The following RNF4 variants were observed in gnomAD, a reference collection of about 807,000 sequenced individuals.
RNF4 encodes the protein ring finger protein 4.
Under a neutral mutation model 24.3 loss-of-function variants are expected in RNF4, and 7 were observed. The observed-to-expected ratio is 0.29, with a 90% CI of 0.16 to 0.54. The LOEUF (loss-of-function observed/expected upper bound fraction) is 0.54. Among genes scored for constraint, RNF4 ranks in the 20% least tolerant of loss-of-function variants. The pLI, the probability that RNF4 is intolerant of heterozygous loss-of-function variation, is 0.95. For missense variants in RNF4, 209 were observed against 248.5 expected, an observed-to-expected ratio of 0.84 and a Z score of 1.07; for synonymous variants, 83 against 84.3, an observed-to-expected ratio of 0.98 and a Z score of 0.09.
At chr4:2,511,093 G>A (rs1736259753) in intron 4 of RNF4, among the ~76,000 whole-genome samples, 1 of 152,246 alleles carries the variant, frequency 6.6e-6, no homozygotes, top group Non-Finnish European at 1.5e-5. Flanking sequence ...GCTTGAGAGA[G>A]CATCATGCCC....
At chr4:2,472,713 ACCT>A (rs1451077400) in intron 1 of RNF4, among the ~76,000 whole-genome samples, 11 of 150,980 alleles carry the variant, frequency 7.3e-5, no homozygotes. Flanking sequence ...TAAATTAAAA[ACCT>A]CCTGAAAGGA....
chr4:2,508,094 G>A (rs893464085), intron 4 of RNF4, among the ~76,000 whole-genome samples: 3 of 152,144 alleles, frequency 2.0e-5, no homozygotes, highest in Non-Finnish European at 4.4e-5. Context: ...GATTCATCCC[G>A]CCTTGGCCTC....
At chr4:2,500,806 C>T (rs1360227660) in intron 4 of RNF4, 68 bp downstream of exon 4, 1 of 1,453,138 alleles carries the variant, frequency 6.9e-7, no homozygotes, top group East Asian at 2.3e-5. Context: ...CAGCATCTGA[C>T]AGCCTTGGTC....
rs1340093178 is a variant in RNF4, at chr4:2,514,962, A to G, written c.*1143A>G. 6.6e-6 allele frequency: 1 copy of G among 152,378 alleles called. No homozygotes were observed. Among genetic ancestry groups the G allele is most frequent in the African/African-American group, 2.4e-5 (1 of 41,468 alleles). The allele number at this position is 152,378 out of a possible 1,614,324, so 9.4% of individuals were successfully genotyped here. A position where few individuals can be genotyped will look rare whatever the true frequency, so the allele number is the denominator to read the frequency against. ...TTTGACTGGTGAAACAGGGGCCCAG[A>G]TGACAACCTCTCCTTCGCTCCACAG... On this transcript the variant is annotated 3_prime_UTR_variant, in exon 8 of 8. Coordinates refer to ENST00000314289, the MANE Select transcript of RNF4 (RefSeq NM_002938.5).
chr4:2,495,171 G>C (rs567690259), intron 2 of RNF4, among the ~76,000 whole-genome samples: 1 of 152,330 alleles, frequency 6.6e-6, no homozygotes, highest in South Asian at 2.1e-4. Context: ...CCTGGGGCTG[G>C]TTCTGTGCTC....
intron 7 of RNF4, 147 bp downstream of exon 7, chr4:2,513,278 TGA>T (rs924761328): frequency 8.8e-6 from 7 of 798,020 alleles, no homozygotes. Context: ...GATCTGCCTG[TGA>T]GGGGAGAATG....
chr4:2,512,621 C>G lies in RNF4; in HGVS notation c.374+24C>G. ...AGGTACCAACGTGCCCCCAGCTCTG[C>G]TGCCGCCATGCTAGGATGTGGGGCC... On this transcript the variant is annotated intron_variant, in intron 6 of 7. Transcript: ENST00000314289. The surrounding 1 kb of genome is among the most constrained non-coding windows in gnomAD (Gnocchi z 4.1). 1 of 1,611,798 alleles carries G rather than the reference C, an allele frequency of 6.2e-7. No homozygotes were observed. Among genetic ancestry groups the G allele is most frequent in the African/African-American group, 1.3e-5 (1 of 75,014 alleles).
chr4:2,505,723 C>CTTTTTTTTTTTT (rs67508332), intron 4 of RNF4: 2 of 50,676 alleles, frequency 3.9e-5, no homozygotes, highest in Admixed American at 3.4e-4. Context: ...CATGGTCTGC[C>CTTTTTTTTTTTT]TTTTTTTTTT....
chr4:2,474,372 ACT>A lies in RNF4; in HGVS notation c.-158+5117_-158+5118del, dbSNP rs1177512682. On this transcript the variant is annotated intron_variant, in intron 1 of 7. Coordinates refer to ENST00000314289, the MANE Select transcript of RNF4 (RefSeq NM_002938.5). Reference sequence around the variant, plus strand: ...CATCCAGCCTGGTTGACAGAACGAGACTCTGTCTCAAAAAAAAAAAAAAAAAA... The same window carrying A: ...CATCCAGCCTGGTTGACAGAACGAGACTGTCTCAAAAAAAAAAAAAAAAAA... Among the ~76,000 whole-genome samples, 300 of 132,180 alleles carry A rather than the reference ACT, an allele frequency of 2.3e-3. 2 individuals are homozygous for A. Among genetic ancestry groups the A allele is most frequent in the Non-Finnish European group, 3.6e-3 (229 of 63,728 alleles). The allele number at this position is 132,180 out of a possible 152,430, so 86.7% of individuals were successfully genotyped here.
intron 1 of RNF4, among the ~76,000 whole-genome samples, chr4:2,475,875 G>A (rs187641230): frequency 1.3e-5 from 2 of 152,270 alleles, no homozygotes; most frequent in South Asian, 2.1e-4. Flanking sequence ...AGCAGAGCTC[G>A]AAACTTCACC....
At chr4:2,472,273 A>C (rs757938690) in intron 1 of RNF4, among the ~76,000 whole-genome samples, 2 of 152,176 alleles carry the variant, frequency 1.3e-5, no homozygotes, top group Non-Finnish European at 1.5e-5. Flanking sequence ...GTTTTACTGA[A>C]TATTTTAAGC....
At chr4:2,513,534 A>T (rs1159929205) in intron 7 of RNF4, 136 bp from the exon 8 acceptor site, 56 of 1,001,768 alleles carry the variant, frequency 5.6e-5, no homozygotes, top group Middle Eastern at 6.5e-4. Flanking sequence ...AGCTCTCCAG[A>T]CCCCTCCCTG....
chr4:2,506,726 C>T (rs1736113000), intron 4 of RNF4, among the ~76,000 whole-genome samples: 1 of 151,976 alleles, frequency 6.6e-6, no homozygotes, highest in South Asian at 2.1e-4. Flanking sequence ...TGTCACCATC[C>T]CTGGCTGATT....
chr4:2,483,079 T>C (rs986560396), intron 1 of RNF4, among the ~76,000 whole-genome samples: 9 of 152,360 alleles, frequency 5.9e-5, no homozygotes, highest in African/African-American at 1.7e-4. Flanking sequence ...CCTTCTGATA[T>C]AATACCTATT....
chr4:2,492,237 G>A (rs75941518), intron 2 of RNF4, among the ~76,000 whole-genome samples: 210 of 152,060 alleles, frequency 1.4e-3, no homozygotes, highest in African/African-American at 4.9e-3. Context: ...TAGGCATGGA[G>A]TCTTACTTTA....
intron 4 of RNF4, chr4:2,505,058 C>CT (rs1483110980): frequency 1.3e-5 from 2 of 151,864 alleles, no homozygotes; most frequent in African/African-American, 4.8e-5. Flanking sequence ...TTTTATGCAA[C>CT]TTTCGTATAT....
chr4:2,497,239 C>T lies in RNF4; in HGVS notation c.124+118C>T, dbSNP rs1728269. On this transcript the variant is annotated intron_variant, in intron 3 of 7. Transcript: ENST00000314289. ...TTTAGAAGGCCTATGCAGTCTCACA[C>T]TCACCATGTACAACTCAAAGCTTCA... 2.9e-3 allele frequency: 1,874 copies of T among 655,714 alleles called. 24 individuals are homozygous for T. The African/African-American group carries it at 0.03, about 11-fold the overall frequency. 40.6% of individuals were successfully genotyped at this position (655,714 alleles called of 1,614,324 possible). A position where few individuals can be genotyped will look rare whatever the true frequency, so the allele number is the denominator to read the frequency against.
intron 4 of RNF4, chr4:2,505,990 T>C (rs1296699332): frequency 6.6e-6 from 1 of 152,018 alleles, no homozygotes; most frequent in Non-Finnish European, 1.5e-5. Flanking sequence ...CATTTTGTCA[T>C]GGGTAAGACC....
chr4:2,471,460 C>A (rs187682757), intron 1 of RNF4, among the ~76,000 whole-genome samples: 1 of 152,158 alleles, frequency 6.6e-6, no homozygotes, highest in Admixed American at 6.6e-5. Flanking sequence ...TGAAATTAGG[C>A]CAGTCAGTGA....
Sources: gnomAD v4.1 joint callset for allele counts (sites outside exome capture counted in the v4.1 genomes callset) on GRCh38, gnomAD v4.1.1 for gene constraint, Gnocchi (gnomAD v3.1) non-coding constraint, MANE v1.5 for transcripts, NCBI Gene and HGNC (gene_info 2026-07-23, HGNC 2026-07-21) for gene names.